Variants in NCALD observed in about 807,000 individuals in gnomAD.
The protein encoded by NCALD is neurocalcin delta.
A neutral mutation model predicts 18.6 loss-of-function variants in NCALD; 10 were observed. The observed-to-expected ratio is 0.54, with a 90% confidence interval of 0.33 to 0.91. The LOEUF (loss-of-function observed/expected upper bound fraction) is 0.91, where lower values mean the gene tolerates loss of function less well. NCALD is among the 40% of genes least tolerant of loss of function. The pLI is 0.03. For missense variants in NCALD, 184 were observed against 247.6 expected, an observed-to-expected ratio of 0.74 and a Z score of 1.72; for synonymous variants, 88 against 87.4, an observed-to-expected ratio of 1.01 and a Z score of -0.04.
intron 1 of NCALD, among the ~76,000 whole-genome samples, chr8:101,770,182 C>T (rs916091833): frequency 6.6e-6 from 1 of 152,164 alleles, no homozygotes; most frequent in African/African-American, 2.4e-5. Context: ...TGCTGCATGG[C>T]CCTGTGCTCT....
chr8:101,891,695 A>C (rs1318304038), intron 3 of NCALD, among the ~76,000 whole-genome samples: 2 of 152,252 alleles, frequency 1.3e-5, no homozygotes, highest in African/African-American at 2.4e-5. Context: ...GCATTGCCTC[A>C]CTTGGGAAGC....
chr8:101,906,812 G>A (rs1817626136), intron 3 of NCALD, among the ~76,000 whole-genome samples: 1 of 152,208 alleles, frequency 6.6e-6, no homozygotes, highest in South Asian at 2.1e-4. Flanking sequence ...CAGAGCAAGG[G>A]CATGGAGAGG....
rs1352870334 is a variant in NCALD, at chr8:102,112,126, TG to T, written c.-210+12110del. 3.3e-5 allele frequency among the ~76,000 whole-genome samples: 5 copies of T among 152,236 alleles called. No individual in the cohort carries two copies. In the East Asian group the frequency reaches 9.6e-4, roughly 29 times the overall value. Reference sequence around the variant, plus strand: ...ATTCAAATATTTGTGATACCTTGTATGAGATTATTTTCTGAAAGGTAGGGTG... The same window carrying T: ...ATTCAAATATTTGTGATACCTTGTATAGATTATTTTCTGAAAGGTAGGGTG... On this transcript the variant is annotated intron_variant, in intron 1 of 6. Transcript: ENST00000311028.
At chr8:101,762,591 CTTTTT>C (rs577820477) in intron 1 of NCALD, among the ~76,000 whole-genome samples, 20 of 140,498 alleles carry the variant, frequency 1.4e-4, no homozygotes, top group Admixed American at 2.9e-4. Flanking sequence ...ACAAAGTCTA[CTTTTT>C]TTTTTTTTTT....
intron 4 of NCALD, among the ~76,000 whole-genome samples, chr8:101,831,073 A>G (rs1814164571): frequency 6.6e-6 from 1 of 152,198 alleles, no homozygotes. Flanking sequence ...GACATAAAAC[A>G]GACACGATAT....
chr8:101,792,809 T>C (rs899149177), upstream of NCALD, among the ~76,000 whole-genome samples: 12 of 151,972 alleles, frequency 7.9e-5, no homozygotes, highest in African/African-American at 2.9e-4. Flanking sequence ...CTCCTCTTTA[T>C]GCAGCTTTAG....
chr8:102,123,675 A>G (rs1358261144), intron 1 of NCALD: 2 of 152,540 alleles, frequency 1.3e-5, no homozygotes, highest in Non-Finnish European at 2.9e-5. Context: ...TCCAAAATGC[A>G]GACCACTTCC....
At chr8:101,847,918 T>TA (rs921159517) in intron 4 of NCALD, among the ~76,000 whole-genome samples, 2 of 152,164 alleles carry the variant, frequency 1.3e-5, no homozygotes, top group Admixed American at 1.3e-4. Context: ...TTTACGCTCG[T>TA]AAAAAACAGT....
intron 1 of NCALD, among the ~76,000 whole-genome samples, chr8:102,022,497 T>C (rs1165605033): frequency 6.6e-6 from 1 of 152,194 alleles, no homozygotes; most frequent in East Asian, 1.9e-4. Flanking sequence ...GACCCTGTTT[T>C]TCTCTAATTG....
intron 2 of NCALD, among the ~76,000 whole-genome samples, chr8:101,719,015 A>C (rs1038382524): frequency 1.3e-5 from 2 of 152,194 alleles, no homozygotes; most frequent in Non-Finnish European, 1.5e-5. Flanking sequence ...AAATGCACCT[A>C]TGACCCGGGA....
chr8:101,763,966 C>CTCTCTCTCTCCACACA (rs1491550100), intron 1 of NCALD, among the ~76,000 whole-genome samples: 62 of 85,294 alleles, frequency 7.3e-4, no homozygotes, highest in African/African-American at 2.0e-3. Context: ...CTCTCTCTCT[C>CTCTCTCTCTCCACACA]CACACACACA....
chr8:101,855,135 G>C (rs1360833484), intron 4 of NCALD, among the ~76,000 whole-genome samples: 1 of 152,170 alleles, frequency 6.6e-6, no homozygotes, highest in Non-Finnish European at 1.5e-5. Flanking sequence ...GTGTCAGGCA[G>C]TCAGATGGGA....
chr8:102,036,276 C>T (rs1366733562), intron 1 of NCALD, among the ~76,000 whole-genome samples: 1 of 151,544 alleles, frequency 6.6e-6, no homozygotes, highest in African/African-American at 2.4e-5. Flanking sequence ...TGAGATCTAA[C>T]CACTGCACTC....
intron 1 of NCALD, among the ~76,000 whole-genome samples, chr8:102,094,571 A>C (rs965696200): frequency 6.6e-6 from 1 of 152,204 alleles, no homozygotes; most frequent in Non-Finnish European, 1.5e-5. Flanking sequence ...GATCTCACTA[A>C]GTCCTTTTAA....
At chr8:102,081,565 AAAAAAAAAAAACC>A (rs1824533966) in intron 1 of NCALD, among the ~76,000 whole-genome samples, 2 of 104,502 alleles carry the variant, frequency 1.9e-5, no homozygotes, top group African/African-American at 9.5e-5. Flanking sequence ...AAAAAAAAAA[AAAAAAAAAAAACC>A]CCAAAAAAAA....
chr8:101,843,779 A>G (rs1238926210), intron 4 of NCALD, among the ~76,000 whole-genome samples: 1 of 151,778 alleles, frequency 6.6e-6, no homozygotes, highest in African/African-American at 2.4e-5. Flanking sequence ...ATGGGCTTTC[A>G]CCATGCTGGC....
intron 4 of NCALD, among the ~76,000 whole-genome samples, chr8:101,848,752 A>G (rs1265540795): frequency 3.3e-5 from 5 of 152,200 alleles, no homozygotes; most frequent in Admixed American, 2.0e-4. Context: ...AGAAAAGTGA[A>G]AGGTAAAATT....
intron 1 of NCALD, among the ~76,000 whole-genome samples, chr8:101,752,431 T>G (rs1475624857): frequency 1.3e-5 from 2 of 152,222 alleles, no homozygotes; most frequent in Non-Finnish European, 2.9e-5. Context: ...TCTCTCTTTT[T>G]TCAACTTGGA....
chr8:101,955,974 A>G lies in NCALD; in HGVS notation c.-156-40116T>C, dbSNP rs116074318. Among the ~76,000 whole-genome samples, 1,399 of 152,280 alleles carry G rather than the reference A, an allele frequency of 9.2e-3. 15 individuals are homozygous for G. The highest frequency in any genetic ancestry group is 0.027 in the Middle Eastern group (8 of 294). On this transcript the variant is annotated intron_variant, in intron 2 of 6. Coordinates refer to the NCALD transcript ENST00000311028. ...GTTACTTCCCAGTAGTTTAGAAAAA[A>G]ACGTACAGAGAAAGAAAGCAACAGA... is the stretch of plus-strand genomic sequence containing the variant.
Sources: allele counts gnomAD v4.1 joint callset (sites outside exome capture counted in the v4.1 genomes callset), GRCh38; gene constraint gnomAD v4.1.1; transcripts MANE v1.5; gene names NCBI Gene and HGNC (gene_info 2026-07-23, HGNC 2026-07-21).